The following MYO6 variants were observed in gnomAD, a reference collection of about 807,000 sequenced individuals.
MYO6 encodes the protein myosin VI.
A neutral mutation model predicts 178.7 loss-of-function variants in MYO6; 74 were observed. The observed-to-expected ratio is 0.41, with a 90% CI of 0.34 to 0.50. The LOEUF is 0.50. MYO6 is among the 20% of genes least tolerant of loss of function. The pLI is 0.09. For missense variants in MYO6, 1,330 were observed against 1,547.4 expected (o/e 0.86, Z 2.36); for synonymous variants, 477 against 504.6 (o/e 0.95, Z 0.73).
In MYO6 at chr6:75,886,640, A is replaced by C. The variant is rs115226441; in HGVS notation, c.2508-204A>C. ...TGATTTGAATTCTCAAAGTTGTAGA[A>C]GGCTTTAATCCCATTGACAGGCATC... On this transcript the variant is annotated intron_variant, in intron 24 of 34. Transcript: ENST00000369977. Among the ~76,000 whole-genome samples, 2,501 of 152,326 alleles carry C rather than the reference A, an allele frequency of 0.016. 74 individuals carry two copies. Among genetic ancestry groups the C allele is most frequent in the African/African-American group, 0.057 (2,389 of 41,566 alleles).
chr6:75,808,952 A>G (rs1375052921), intron 1 of MYO6, among the ~76,000 whole-genome samples: 1 of 152,218 alleles, frequency 6.6e-6, no homozygotes, highest in Non-Finnish European at 1.5e-5. Context: ...CTTTCACAGA[A>G]TACACAATTT....
rs190300806 is a variant in MYO6, at chr6:75,777,608, A to T, written c.-48+28185A>T. On this transcript the variant is annotated intron_variant, in intron 1 of 34. Coordinates refer to ENST00000369977, the MANE Select transcript of MYO6 (RefSeq NM_004999.4). ...ACACCCAGCTAATTTATATATATAT[A>T]TTTTTTTTTGTGGAGACAAGGTTTC... Among the ~76,000 whole-genome samples, 941 of 149,726 alleles carry T rather than the reference A, an allele frequency of 6.3e-3. 4 individuals are homozygous for T. The highest frequency in any genetic ancestry group is 0.011 in the Admixed American group (159 of 15,008).
chr6:75,841,180 CA>C (rs1220650101), intron 8 of MYO6, 33 bp from the exon 9 acceptor site: 1 of 1,595,760 alleles, frequency 6.3e-7, no homozygotes, highest in Non-Finnish European at 8.6e-7. Flanking sequence ...ACTTTAAATG[CA>C]AAAATATATT....
Position 75,866,618 on chromosome 6 carries a change from A to G in MYO6, c.1767A>G (p.Glu589=), listed in dbSNP as rs547890149. The G allele has an allele frequency of 3.1e-5, 50 of 1,612,070 alleles. No individual in the cohort carries two copies. Among genetic ancestry groups the G allele is most frequent in the Admixed American group, 2.3e-4 (14 of 60,020 alleles). Residue 589 remains glutamate (E), a synonymous_variant, in exon 17 of 35, where the codon GAA becomes GAG. Transcript: ENST00000369977. ...IRHFAGAVCY[E]TTQFVEKNND... Reference sequence around the variant, plus strand: ...ATTTTGCGGGGGCAGTGTGCTATGAAACAGTGAGTATAACTTTTACAAGGA... The same window carrying G: ...ATTTTGCGGGGGCAGTGTGCTATGAGACAGTGAGTATAACTTTTACAAGGA...
At chr6:75,873,106 T>C in intron 19 of MYO6, 101 bp from the exon 20 acceptor site, 1 of 906,976 alleles carries the variant, frequency 1.1e-6, no homozygotes, top group East Asian at 2.6e-5. Flanking sequence ...TACAGGTTCA[T>C]ATGTTAATGT....
chr6:75,760,312 G>T (rs1192236599), intron 1 of MYO6, among the ~76,000 whole-genome samples: 1 of 152,114 alleles, frequency 6.6e-6, no homozygotes, highest in Non-Finnish European at 1.5e-5. Context: ...TTCCTTAGGG[G>T]TTACTAAAGA....
chr6:75,764,342 A>T (rs879934318), intron 1 of MYO6, among the ~76,000 whole-genome samples: 1 of 152,040 alleles, frequency 6.6e-6, no homozygotes, highest in Non-Finnish European at 1.5e-5. Context: ...ACGTGTCCCC[A>T]TTCTCCTTTC....
chr6:75,882,810 A>C (rs1198462794), intron 23 of MYO6, among the ~76,000 whole-genome samples: 1 of 152,152 alleles, frequency 6.6e-6, no homozygotes, highest in Non-Finnish European at 1.5e-5. Context: ...GAGCAGACAA[A>C]CCGTATTCAT....
At chr6:75,889,595 A>G (rs993196124) in intron 25 of MYO6, among the ~76,000 whole-genome samples, 7 of 152,092 alleles carry the variant, frequency 4.6e-5, no homozygotes, top group Non-Finnish European at 7.4e-5. Flanking sequence ...TTATTTTTAT[A>G]AGAGACAGGG....
intron 32 of MYO6, among the ~76,000 whole-genome samples, chr6:75,910,822 T>C (rs778649473): frequency 2.0e-5 from 3 of 152,142 alleles, no homozygotes; most frequent in Non-Finnish European, 4.4e-5. Flanking sequence ...ACTTAAATGA[T>C]TTCCTAATGT....
intron 1 of MYO6, among the ~76,000 whole-genome samples, chr6:75,782,482 A>G (rs1164346271): frequency 6.6e-6 from 1 of 152,188 alleles, no homozygotes; most frequent in African/African-American, 2.4e-5. Context: ...TTAAAAGGAA[A>G]AATGGAAAGA....
chr6:75,868,323 T>A (rs1776863376), intron 18 of MYO6, among the ~76,000 whole-genome samples: 1 of 151,876 alleles, frequency 6.6e-6, no homozygotes. Flanking sequence ...TTTATTTGAG[T>A]ATTCTTCTAT....
chr6:75,788,771 T>G (rs551047796), intron 1 of MYO6, among the ~76,000 whole-genome samples: 1 of 152,086 alleles, frequency 6.6e-6, no homozygotes. Flanking sequence ...CCATTTGAGC[T>G]AAAGCGTAGA....
intron 1 of MYO6, among the ~76,000 whole-genome samples, chr6:75,752,233 T>G (rs1459513316): frequency 6.6e-6 from 1 of 152,074 alleles, no homozygotes. Flanking sequence ...CTCAAGTGAT[T>G]TGCCTGCCTT....
At chr6:75,828,399 AG>A (rs1772700235) in intron 3 of MYO6, 140 bp from the exon 4 acceptor site, 3 of 607,998 alleles carry the variant, frequency 4.9e-6, no homozygotes, top group African/African-American at 3.7e-5. Context: ...TACATCAGCC[AG>A]GGTTTTAAAA....
At chr6:75,808,601 C>T (rs1049050737) in intron 1 of MYO6, among the ~76,000 whole-genome samples, 1 of 152,132 alleles carries the variant, frequency 6.6e-6, no homozygotes, top group African/African-American at 2.4e-5. Flanking sequence ...AGAGATGGGC[C>T]TCAACTCCTG....
chr6:75,895,700 T>A (rs147455762), intron 29 of MYO6, among the ~76,000 whole-genome samples: 3,049 of 152,058 alleles, frequency 0.02, 97 homozygotes, highest in African/African-American at 0.07. Context: ...GTATTTTTAG[T>A]AGAGACGGGG....
chr6:75,827,271 A>G (rs1039317334), intron 3 of MYO6, among the ~76,000 whole-genome samples: 3 of 152,178 alleles, frequency 2.0e-5, no homozygotes, highest in African/African-American at 7.2e-5. Flanking sequence ...TTTGTAGGGT[A>G]ACCTTTGTAC....
intron 5 of MYO6, 28 bp downstream of exon 5, chr6:75,830,573 C>G: frequency 6.3e-7 from 1 of 1,594,600 alleles, no homozygotes; most frequent in South Asian, 1.1e-5. Flanking sequence ...TATTTTAATT[C>G]TTGTCTTTCT....
Sources: gnomAD v4.1 joint callset for allele counts (sites outside exome capture counted in the v4.1 genomes callset) on GRCh38, gnomAD v4.1.1 for gene constraint, MANE v1.5 for transcripts, NCBI Gene and HGNC (gene_info 2026-07-23, HGNC 2026-07-21) for gene names.